The following RAB3IL1 variants were observed in gnomAD, a reference collection of about 807,000 sequenced individuals.
RAB3IL1 encodes guanine nucleotide exchange factor for Rab-3A.
A neutral mutation model predicts 49.2 loss-of-function variants in RAB3IL1; 37 were observed. The ratio of observed to expected loss-of-function variants is 0.75; its 90% CI spans 0.58 to 0.99. RAB3IL1 has a LOEUF of 0.99. Ranked by LOEUF, RAB3IL1 falls within the 50% of genes least tolerant of loss-of-function variation. The pLI, the probability that RAB3IL1 is intolerant of heterozygous loss-of-function variation, is 0.00. For synonymous variants in RAB3IL1, 193 were observed against 213.9 expected, an observed-to-expected ratio of 0.90 and a Z score of 0.85; for missense variants, 484 against 513.0, an observed-to-expected ratio of 0.94 and a Z score of 0.55.
chr11:61,935,057 T>C, the RAB3IL1 span, among the ~76,000 whole-genome samples: 6 of 152,158 alleles, frequency 3.9e-5, no homozygotes, highest in Non-Finnish European at 8.8e-5. Flanking sequence ...ATTAAAAATG[T>C]CCAGTTTCAA....
upstream of RAB3IL1, chr11:61,917,584 G>A (rs1939763682): frequency 1.9e-6 from 2 of 1,072,426 alleles, no homozygotes; most frequent in Non-Finnish European, 2.3e-6. Flanking sequence ...AGGGGGGAGC[G>A]GCCCGAGGAC....
At position 61,904,565 on chromosome 11, in the gene RAB3IL1, C is replaced by T; in HGVS notation, c.880G>A (p.Val294Ile). Residue 294 changes from valine (V) to isoleucine (I), a missense_variant, in exon 7 of 10, where the codon GTT (valine) becomes ATT (isoleucine). By Grantham distance (29) the Val-to-Ile change is conservative. Transcript: ENST00000394836. ...QTLPTVKVAE[V>I]DCSSTNTCAL... is the part of the protein sequence containing the mutation. ...GCTTACTTGGTGCTGCTACAGTCAA[C>T]CTCGGCCACCTTCACTGTGGGCAGC... The T allele has an allele frequency of 6.2e-7, 1 of 1,612,128 alleles. No homozygotes were observed. The highest frequency in any genetic ancestry group is 8.5e-7 in the Non-Finnish European group (1 of 1,179,288).
chr11:61,915,640 G>A (rs1468161367), intron 1 of RAB3IL1, among the ~76,000 whole-genome samples: 1 of 152,080 alleles, frequency 6.6e-6, no homozygotes, highest in Non-Finnish European at 1.5e-5. Flanking sequence ...AACCTCTCCA[G>A]GTACCACAAA....
At chr11:61,916,701 A>T (rs1939705026) in intron 1 of RAB3IL1, among the ~76,000 whole-genome samples, 5 of 152,168 alleles carry the variant, frequency 3.3e-5, no homozygotes, top group Admixed American at 3.3e-4. Flanking sequence ...TTCTGCACAT[A>T]CAGGGCAGGG....
the RAB3IL1 span, among the ~76,000 whole-genome samples, chr11:61,944,968 T>TG: frequency 1.4e-4 from 22 of 152,340 alleles, no homozygotes; most frequent in African/African-American, 5.0e-4. Flanking sequence ...CCCAAAGTGC[T>TG]GGGATTACAG....
At chr11:61,904,717 G>A (rs1939092452) in intron 6 of RAB3IL1, 37 bp downstream of exon 6, 6 of 1,580,012 alleles carry the variant, frequency 3.8e-6, no homozygotes, top group Non-Finnish European at 4.3e-6. Flanking sequence ...GCGGAGGGGT[G>A]TGTCCCCCAG....
Position 61,904,764 on chromosome 11 carries a change from G to T in RAB3IL1, c.776C>A (p.Thr259Lys), listed in dbSNP as rs186304582. Residue 259 changes from threonine to lysine, a missense_variant, in exon 6 of 10, where the codon ACA becomes AAA. Coordinates refer to ENST00000394836, the MANE Select transcript of RAB3IL1 (RefSeq NM_013401.4). Reference protein sequence around the residue: ...REDVGPCLDFTMQELSVLVRA... With the variant: ...REDVGPCLDFKMQELSVLVRA... Reference sequence around the variant, plus strand: ...CCTGCCATGCCTCACCTCCTGCATTGTGAAGTCCAGGCAGGGGCCCACGTC... The same window carrying T: ...CCTGCCATGCCTCACCTCCTGCATTTTGAAGTCCAGGCAGGGGCCCACGTC... 1.9e-6 allele frequency: 3 copies of T among 1,604,738 alleles called. No individual in the cohort carries two copies. The East Asian group carries it at 6.7e-5, about 36-fold the overall frequency.
At chr11:61,932,355 C>A in the RAB3IL1 span, among the ~76,000 whole-genome samples, 15,845 of 151,994 alleles carry the variant, frequency 0.1, 1,497 homozygotes, top group East Asian at 0.57. Context: ...AAAAAGACCA[C>A]CTTAGCTGGA....
chr11:61,919,645 T>C (rs1565370057), upstream of RAB3IL1, among the ~76,000 whole-genome samples: 2 of 152,134 alleles, frequency 1.3e-5, no homozygotes, highest in Non-Finnish European at 2.9e-5. Context: ...GTCTGGCCAG[T>C]GGCAGGGAAG....
At chr11:61,944,214 C>CCCTCCTTCCTTCCTTCCTTT in the RAB3IL1 span, among the ~76,000 whole-genome samples, 3 of 140,028 alleles carry the variant, frequency 2.1e-5, no homozygotes, top group African/African-American at 9.6e-5. Flanking sequence ...TCCTTCCCTT[C>CCCTCCTTCCTTCCTTCCTTT]CTTCCCTCCT....
At chr11:61,902,043 G>A (rs1215978141) in intron 8 of RAB3IL1, among the ~76,000 whole-genome samples, 2 of 152,198 alleles carry the variant, frequency 1.3e-5, no homozygotes, top group African/African-American at 4.8e-5. Context: ...GGCTGGGCGT[G>A]GTGGCTCACA....
upstream of RAB3IL1, among the ~76,000 whole-genome samples, chr11:61,922,931 A>G (rs1175364194): frequency 6.6e-6 from 1 of 152,166 alleles, no homozygotes; most frequent in Non-Finnish European, 1.5e-5. Context: ...CCTGGAAACA[A>G]TTAATGGAAA....
chr11:61,923,073 G>A (rs573339897), upstream of RAB3IL1, among the ~76,000 whole-genome samples: 546 of 152,356 alleles, frequency 3.6e-3, 3 homozygotes, highest in African/African-American at 0.011. Context: ...CCTCTTGGCC[G>A]GGGGCGGGAG....
chr11:61,928,637 C>G, the RAB3IL1 span, among the ~76,000 whole-genome samples: 1 of 152,092 alleles, frequency 6.6e-6, no homozygotes, highest in Admixed American at 6.6e-5. Context: ...AGCTAGGACC[C>G]TCCAACTACA....
At chr11:61,917,849 T>A (rs1439362286), upstream of RAB3IL1, among the ~76,000 whole-genome samples, 6 of 152,056 alleles carry the variant, frequency 3.9e-5, no homozygotes, top group Non-Finnish European at 7.4e-5. Context: ...TCTCAGCTCT[T>A]CGATTCTCAC....
chr11:61,926,239 A>G, the RAB3IL1 span, among the ~76,000 whole-genome samples: 1 of 152,262 alleles, frequency 6.6e-6, no homozygotes, highest in South Asian at 2.1e-4. Context: ...AAACACTGGG[A>G]GCTCAATAGA....
At chr11:61,927,820 C>G in the RAB3IL1 span, among the ~76,000 whole-genome samples, 131 of 152,246 alleles carry the variant, frequency 8.6e-4, 1 homozygote, top group Middle Eastern at 0.01. Context: ...TCCCCTTCAC[C>G]TTCAGCCATG....
chr11:61,918,864 G>A (rs2524288), upstream of RAB3IL1, among the ~76,000 whole-genome samples: 58,206 of 151,994 alleles, frequency 0.38, 12,222 homozygotes, highest in Middle Eastern at 0.56. Flanking sequence ...CAGCCCAGGC[G>A]TCCCATAGCC....
chr11:61,934,450 G>GTGTATATATA, the RAB3IL1 span, among the ~76,000 whole-genome samples: 1 of 31,628 alleles, frequency 3.2e-5, no homozygotes, highest in East Asian at 1.2e-3. Flanking sequence ...GTGTGTGTAT[G>GTGTATATATA]TATATATATA....
Sources: allele counts gnomAD v4.1 joint callset (sites outside exome capture counted in the v4.1 genomes callset), GRCh38; gene constraint gnomAD v4.1.1; transcripts MANE v1.5; gene names NCBI Gene and HGNC (gene_info 2026-07-23, HGNC 2026-07-21).